Variants in GRIN2A observed in about 807,000 individuals in gnomAD.
The protein encoded by GRIN2A is glutamate ionotropic receptor NMDA type subunit 2A, also known as glutamate receptor ionotropic, NMDA 2A.
A neutral mutation model predicts 113.4 loss-of-function variants in GRIN2A; 22 were observed. The ratio of observed to expected loss-of-function variants is 0.19; its 90% confidence interval spans 0.14 to 0.28. GRIN2A has a LOEUF of 0.28. Ranked by LOEUF, GRIN2A falls within the 10% of genes least tolerant of loss-of-function variation. The probability of loss-of-function intolerance (pLI) is 1.00; values close to 1 mark genes in which losing one functional copy is unlikely to be tolerated. For synonymous variants in GRIN2A, 827 were observed against 738.4 expected (o/e 1.12, Z -1.94); for missense variants, 1,502 against 1,887.0 (o/e 0.80, Z 3.78).
intron 3 of GRIN2A, among the ~76,000 whole-genome samples, chr16:9,919,635 T>A (rs1190799719): frequency 6.6e-6 from 1 of 152,168 alleles, no homozygotes; most frequent in Non-Finnish European, 1.5e-5. Context: ...AGGCTCCAGA[T>A]ACAACTTGGG....
In GRIN2A at chr16:9,848,608, A is replaced by C. The variant is rs550928311; in HGVS notation, c.1328+1148T>G. Among the ~76,000 whole-genome samples the C allele has an allele frequency of 8.6e-4, 128 of 148,528 alleles. 3 individuals are homozygous for C. In the South Asian group the frequency reaches 0.026, roughly 31 times the overall value. On this transcript the variant is annotated intron_variant, in intron 5 of 12. Transcript: ENST00000330684. ...ATATTTTAATGTATAAAAATATATG[A>C]TCTTTTATATTTTTAATATATAAAA...
chr16:9,826,604 T>C (rs2042392806), intron 9 of GRIN2A, among the ~76,000 whole-genome samples: 1 of 152,238 alleles, frequency 6.6e-6, no homozygotes, highest in South Asian at 2.1e-4. Context: ...TGATTTTTTT[T>C]TGCAGACTTT....
rs367723487 is a variant in GRIN2A, at chr16:10,116,496, A to G, written c.414+63502T>C. ...ATAGAAATTTTTAAAAAGGAAATAG[A>G]ACCATGGAAGCTTAAGCAAAATGAA... On this transcript the variant is annotated intron_variant, in intron 2 of 12. Transcript: ENST00000330684. Among the ~76,000 whole-genome samples the G allele has an allele frequency of 2.2e-4, 34 of 152,318 alleles. No individual in the cohort carries two copies. The East Asian group carries it at 5.6e-3, about 25-fold the overall frequency.
chr16:10,142,964 AT>A (rs2049357669), intron 2 of GRIN2A, among the ~76,000 whole-genome samples: 1 of 152,250 alleles, frequency 6.6e-6, no homozygotes, highest in South Asian at 2.1e-4. Context: ...TTTGGTAATT[AT>A]ATGTTTCCAC....
intron 2 of GRIN2A, among the ~76,000 whole-genome samples, chr16:9,995,934 G>A (rs1286166228): frequency 6.7e-6 from 1 of 148,164 alleles, no homozygotes; most frequent in African/African-American, 2.5e-5. Context: ...GAGCTAGAAG[G>A]GCATTGACCA....
chr16:10,011,154 A>G (rs1031839968), intron 2 of GRIN2A, among the ~76,000 whole-genome samples: 2 of 152,224 alleles, frequency 1.3e-5, no homozygotes, highest in Non-Finnish European at 1.5e-5. Flanking sequence ...TTACACGGTA[A>G]TAGTTGTGCC....
In GRIN2A at chr16:9,977,137, A is replaced by G. The variant is rs1360407205; in HGVS notation, c.415-38586T>C. ...GGCATGCAAGACACCATTTTCAAAAATTAAACAAGCCAGGTGTGGGGACAC... is the reference window on the plus strand; with the variant it reads ...GGCATGCAAGACACCATTTTCAAAAGTTAAACAAGCCAGGTGTGGGGACAC... On this transcript the variant is annotated intron_variant, in intron 2 of 12. Coordinates refer to ENST00000330684, the MANE Select transcript of GRIN2A (RefSeq NM_001134407.3). Among the ~76,000 whole-genome samples the G allele has an allele frequency of 2.6e-5, 4 of 152,220 alleles. No individual in the cohort carries two copies. The South Asian group carries it at 6.2e-4, about 24-fold the overall frequency.
At position 9,755,953 on chromosome 16, in the gene GRIN2A, C is replaced by A. The variant is rs770161391; in HGVS notation, c.*7196G>T. ...CTACCAAAGCTCTCCATCATTCATG[C>A]AGAAACTCTATTTCCTATTCCCTGT... On this transcript the variant is annotated 3_prime_UTR_variant, in exon 13 of 13. Transcript: ENST00000330684. The A allele has an allele frequency of 4.6e-6, 1 of 217,322 alleles. No individual in the cohort carries two copies. The highest frequency in any genetic ancestry group is 9.3e-6 in the Non-Finnish European group (1 of 107,890). 13.5% of individuals were successfully genotyped at this position (217,322 alleles called of 1,614,324 possible).
intron 2 of GRIN2A, chr16:10,112,450 G>A (rs1026302740): frequency 1.4e-5 from 11 of 784,296 alleles, no homozygotes; most frequent in South Asian, 1.1e-4. Context: ...CAGCACTTTG[G>A]TGTGTCCATC....
rs530557253 is a variant in GRIN2A at position 10,015,726 on chromosome 16, C to T, written c.415-77175G>A. ...ACATTTATTGGGAACATACTATTTA[C>T]GAGGTGATGGCAACTGCAGGGGACA... On this transcript the variant is annotated intron_variant, in intron 2 of 12. Transcript: ENST00000330684. Among the ~76,000 whole-genome samples, 6 of 152,342 alleles carry T rather than the reference C, an allele frequency of 3.9e-5. 1 individual carries two copies. The East Asian group carries it at 5.8e-4, about 15-fold the overall frequency.
rs2050252318 is a variant in GRIN2A, at chr16:10,180,746, G to T, written c.-18-317C>A. 1.9e-5 allele frequency: 9 copies of T among 484,868 alleles called. No individual in the cohort carries two copies. The East Asian group carries it at 3.5e-4, about 19-fold the overall frequency. 30.0% of individuals were successfully genotyped at this position (484,868 alleles called of 1,614,324 possible). A position where few individuals can be genotyped will look rare whatever the true frequency, so the allele number is the denominator to read the frequency against. ...ATCCCCCACCGCATTCCCCAAGTTC[G>T]CCGCGGGCCACAGACCCTAAGCGCC... On this transcript the variant is annotated intron_variant, in intron 1 of 12. Transcript: ENST00000330684. The surrounding 1 kb of genome is among the most constrained non-coding windows in gnomAD (Gnocchi z 7.0).
intron 10 of GRIN2A, among the ~76,000 whole-genome samples, chr16:9,820,989 T>C (rs2042272342): frequency 6.6e-6 from 1 of 152,144 alleles, no homozygotes; most frequent in Admixed American, 6.5e-5. Flanking sequence ...AGGCACAGAC[T>C]GAAAGGACAG....
chr16:10,042,435 G>A (rs531095501), intron 2 of GRIN2A, among the ~76,000 whole-genome samples: 120 of 152,160 alleles, frequency 7.9e-4, no homozygotes, highest in Admixed American at 4.6e-4. Context: ...CAGCAGCCTC[G>A]GAAACAAGCC....
At chr16:10,138,354 C>T (rs543409501) in intron 2 of GRIN2A, among the ~76,000 whole-genome samples, 45 of 152,194 alleles carry the variant, frequency 3.0e-4, no homozygotes, top group South Asian at 2.7e-3. Context: ...ATTGACTCAC[C>T]GCTTGGCATG....
chr16:9,965,973 A>G (rs756925323), intron 2 of GRIN2A, among the ~76,000 whole-genome samples: 16 of 152,222 alleles, frequency 1.1e-4, no homozygotes, highest in Non-Finnish European at 1.9e-4. Context: ...ACTTTCTGGT[A>G]GCTTATCAAA....
At chr16:9,925,259 C>A (rs1294685089) in intron 3 of GRIN2A, among the ~76,000 whole-genome samples, 1 of 152,164 alleles carries the variant, frequency 6.6e-6, no homozygotes, top group African/African-American at 2.4e-5. Flanking sequence ...ATTGAGACAA[C>A]CCCCTTCTGT....
intron 2 of GRIN2A, among the ~76,000 whole-genome samples, chr16:10,036,701 C>T (rs1008989674): frequency 6.6e-6 from 1 of 151,864 alleles, no homozygotes. Context: ...CCACCTCGGC[C>T]TCCCAAAATG....
chr16:10,097,257 ATGCCAAGTTG>A (rs2048312146), intron 2 of GRIN2A, among the ~76,000 whole-genome samples: 1 of 152,252 alleles, frequency 6.6e-6, no homozygotes, highest in African/African-American at 2.4e-5. Context: ...TCTGGCTGTG[ATGCCAAGTTG>A]CTTTTTAAAA....
intron 4 of GRIN2A, among the ~76,000 whole-genome samples, chr16:9,880,646 A>C (rs2043460510): frequency 6.6e-6 from 1 of 152,342 alleles, no homozygotes; most frequent in African/African-American, 2.4e-5. Context: ...AGAATTCTGC[A>C]TACCACACAG....
Sources: gnomAD v4.1 joint callset for allele counts (sites outside exome capture counted in the v4.1 genomes callset) on GRCh38, gnomAD v4.1.1 for gene constraint, Gnocchi (gnomAD v3.1) non-coding constraint, MANE v1.5 for transcripts, NCBI Gene and HGNC (gene_info 2026-07-23, HGNC 2026-07-21) for gene names.